CTTNBP2NL: variants seen among roughly 807,000 people sequenced by gnomAD.
CTTNBP2NL encodes the protein CTTNBP2 N-terminal-like protein.
A neutral mutation model predicts 32.5 loss-of-function variants in CTTNBP2NL; 16 were observed. The ratio of observed to expected loss-of-function variants is 0.49; its 90% CI spans 0.33 to 0.75. The LOEUF (loss-of-function observed/expected upper bound fraction) is 0.75, where lower values mean the gene tolerates loss of function less well. Ranked by LOEUF, CTTNBP2NL falls within the 30% of genes least tolerant of loss-of-function variation. The pLI is 0.02. For synonymous variants in CTTNBP2NL, 298 were observed against 289.4 expected, an observed-to-expected ratio of 1.03 and a Z score of -0.30; for missense variants, 645 against 756.0, an observed-to-expected ratio of 0.85 and a Z score of 1.72.
chr1:112,443,618 G>A (rs1649957309), intron 3 of CTTNBP2NL, among the ~76,000 whole-genome samples: 1 of 152,178 alleles, frequency 6.6e-6, no homozygotes, highest in Admixed American at 6.5e-5. Flanking sequence ...CAAAGTGCTG[G>A]TATTATAGCT....
Position 112,415,650 on chromosome 1 carries a change from G to A in CTTNBP2NL, c.-9-507G>A, listed in dbSNP as rs143443853. 7.1e-3 allele frequency among the ~76,000 whole-genome samples: 1,069 copies of A among 150,846 alleles called. 11 individuals carry two copies. The highest frequency in any genetic ancestry group is 0.025 in the African/African-American group (1,021 of 41,100). ...CGGCTCACTGCAATCTTTGCCTCCC[G>A]CGTTCAAGTGATTCCCCTGCCTCAG... is the stretch of plus-strand genomic sequence containing the variant. On this transcript the variant is annotated intron_variant, in intron 2 of 5. Coordinates refer to ENST00000271277, the MANE Select transcript of CTTNBP2NL (RefSeq NM_018704.3).
chr1:112,437,841 T>A (rs1649781913), intron 3 of CTTNBP2NL, among the ~76,000 whole-genome samples: 1 of 152,150 alleles, frequency 6.6e-6, no homozygotes, highest in Non-Finnish European at 1.5e-5. Flanking sequence ...TCCTTATAGA[T>A]GCTGGATATT....
At chr1:112,447,687 T>G (rs1234710752) in intron 3 of CTTNBP2NL, among the ~76,000 whole-genome samples, 2 of 152,240 alleles carry the variant, frequency 1.3e-5, no homozygotes, top group Non-Finnish European at 2.9e-5. Flanking sequence ...TTCTTAAAGT[T>G]TCCTTTAAAT....
At chr1:112,417,001 CTAAT>C (rs1362848369) in intron 3 of CTTNBP2NL, among the ~76,000 whole-genome samples, 2 of 152,186 alleles carry the variant, frequency 1.3e-5, no homozygotes, top group African/African-American at 4.8e-5. Context: ...TAGCCCATTT[CTAAT>C]TGTCACTGCT....
intron 1 of CTTNBP2NL, among the ~76,000 whole-genome samples, chr1:112,400,796 G>GA (rs1332710577): frequency 3.8e-4 from 54 of 143,330 alleles, no homozygotes; most frequent in African/African-American, 8.7e-4. Flanking sequence ...CTGTCTCAAA[G>GA]AAAAAAAAAA....
chr1:112,427,865 C>T (rs1484144170), intron 3 of CTTNBP2NL, among the ~76,000 whole-genome samples: 5 of 144,150 alleles, frequency 3.5e-5, no homozygotes, highest in African/African-American at 1.3e-4. Context: ...CACTGCACCC[C>T]AGCCTGGGGG....
intron 3 of CTTNBP2NL, among the ~76,000 whole-genome samples, chr1:112,434,540 C>G (rs1240990351): frequency 6.6e-6 from 1 of 152,170 alleles, no homozygotes; most frequent in Non-Finnish European, 1.5e-5. Flanking sequence ...ACCTGACACT[C>G]TGCTACTCAT....
chr1:112,418,272 G>A (rs1649122319), intron 3 of CTTNBP2NL, among the ~76,000 whole-genome samples: 1 of 152,086 alleles, frequency 6.6e-6, no homozygotes, highest in South Asian at 2.1e-4. Flanking sequence ...AGTTAGAATT[G>A]TAAAAGAGCT....
chr1:112,454,428 A>G (rs1440164665), intron 4 of CTTNBP2NL, 21 bp from the exon 5 acceptor site: 1 of 1,579,720 alleles, frequency 6.3e-7, no homozygotes, highest in Non-Finnish European at 8.7e-7. Context: ...TTGAAAATGA[A>G]ATTTAAAAAA....
At chr1:112,439,348 A>G (rs1195217395) in intron 3 of CTTNBP2NL, among the ~76,000 whole-genome samples, 2 of 152,200 alleles carry the variant, frequency 1.3e-5, no homozygotes, top group Admixed American at 6.5e-5. Flanking sequence ...TAACCAAGAT[A>G]AGGCCCTCTT....
intron 3 of CTTNBP2NL, among the ~76,000 whole-genome samples, chr1:112,417,237 T>C (rs1649093513): frequency 6.6e-6 from 1 of 152,218 alleles, no homozygotes; most frequent in African/African-American, 2.4e-5. Context: ...AATCACTGTA[T>C]CCTCAGCACC....
chr1:112,453,468 T>G (rs946431873), intron 4 of CTTNBP2NL, among the ~76,000 whole-genome samples: 5 of 152,066 alleles, frequency 3.3e-5, no homozygotes, highest in African/African-American at 1.2e-4. Context: ...ATTTGTATTC[T>G]TGGCCATGTG....
At chr1:112,432,283 G>A (rs539981059) in intron 3 of CTTNBP2NL, among the ~76,000 whole-genome samples, 3 of 151,800 alleles carry the variant, frequency 2.0e-5, no homozygotes, top group East Asian at 3.9e-4. Context: ...CCGTGGTCTC[G>A]ATCTCCTGAC....
rs142267638 is a variant in CTTNBP2NL at position 112,450,627 on chromosome 1, G to A, written c.330+1455G>A. Among the ~76,000 whole-genome samples the A allele has an allele frequency of 6.2e-3, 937 of 152,278 alleles. 8 individuals carry two copies. Among genetic ancestry groups the A allele is most frequent in the African/African-American group, 0.022 (894 of 41,540 alleles). On this transcript the variant is annotated intron_variant, in intron 4 of 5. Transcript: ENST00000271277. ...GGGCTAGCTTTCATGCCCATGGAAG[G>A]TGTACTAGGGACAGTTTGTGTTTCT...
At chr1:112,416,835 C>G (rs1383795284) in intron 3 of CTTNBP2NL, among the ~76,000 whole-genome samples, 1 of 151,992 alleles carries the variant, frequency 6.6e-6, no homozygotes, top group African/African-American at 2.4e-5. Context: ...TGTTTTTGAA[C>G]GCTGACCCCT....
rs146651995 is a variant in CTTNBP2NL, at chr1:112,424,560, G to A, written c.99+8296G>A. 6.3e-3 allele frequency among the ~76,000 whole-genome samples: 962 copies of A among 152,256 alleles called. 9 individuals carry two copies. The highest frequency in any genetic ancestry group is 0.022 in the African/African-American group (904 of 41,544). ...GCTTGCCAATTTCCCTAAAAATCCT[G>A]TTGGGATTTTGATTGGGATTGTATT... On this transcript the variant is annotated intron_variant, in intron 3 of 5. Coordinates refer to ENST00000271277, the MANE Select transcript of CTTNBP2NL (RefSeq NM_018704.3).
upstream of CTTNBP2NL, among the ~76,000 whole-genome samples, chr1:112,394,061 C>T (rs1648247880): frequency 6.6e-6 from 1 of 152,078 alleles, no homozygotes; most frequent in Admixed American, 6.5e-5. Flanking sequence ...TAAAAATTAG[C>T]TGGGCACAGT....
At position 112,456,222 on chromosome 1, in the gene CTTNBP2NL, A is replaced by G. The variant is rs908156616; in HGVS notation, c.730A>G (p.Ile244Val). The change falls in exon 6 of 6, where the codon ATC (isoleucine) becomes GTC (valine). Residue 244 changes from isoleucine (I) to valine (V), a missense_variant. Transcript: ENST00000271277. Reference sequence around the variant, plus strand: ...AGAGAAGCAGTTATCAGAGTTTGACATCGAAAGGGAACAACTGAGAGCAAA... The same window carrying G: ...AGAGAAGCAGTTATCAGAGTTTGACGTCGAAAGGGAACAACTGAGAGCAAA... ...QVEKQLSEFDIEREQLRAKLN... is the reference protein window; with the variant it reads ...QVEKQLSEFDVEREQLRAKLN... 1.2e-6 allele frequency: 2 copies of G among 1,614,030 alleles called. No individual in the cohort carries two copies. Among genetic ancestry groups the G allele is most frequent in the African/African-American group, 1.3e-5 (1 of 74,912 alleles).
intron 3 of CTTNBP2NL, among the ~76,000 whole-genome samples, chr1:112,443,259 G>T (rs1459981644): frequency 6.6e-6 from 1 of 152,156 alleles, no homozygotes; most frequent in African/African-American, 2.4e-5. Context: ...TATCACCGAG[G>T]CTGGAGTGCA....
Sources: allele counts gnomAD v4.1 joint callset (sites outside exome capture counted in the v4.1 genomes callset), GRCh38; gene constraint gnomAD v4.1.1; transcripts MANE v1.5; gene names NCBI Gene and HGNC (gene_info 2026-07-23, HGNC 2026-07-21).